KNL1: variants seen among roughly 807,000 people sequenced by gnomAD.
KNL1 encodes the protein outer kinetochore KNL1 complex subunit KNL1.
In KNL1, 66 loss-of-function variants were observed where a neutral mutation model predicts 201.3. The ratio of observed to expected loss-of-function variants is 0.33; its 90% CI spans 0.27 to 0.40. The LOEUF (loss-of-function observed/expected upper bound fraction) is 0.40. Among genes scored for constraint, KNL1 ranks in the 10% least tolerant of loss-of-function variants. The pLI, the probability that KNL1 is intolerant of heterozygous loss-of-function variation, is 1.00. For missense variants in KNL1, 2,815 were observed against 2,690.5 expected (o/e 1.05, Z -1.02); for synonymous variants, 895 against 899.2 (o/e 1.00, Z 0.08).
chr15:40,628,676 GA>G lies in KNL1; in HGVS notation c.5582del (p.Glu1861GlyfsTer8). The G allele has an allele frequency of 6.4e-7, 1 of 1,569,320 alleles. No homozygotes were observed. Among genetic ancestry groups the G allele is most frequent in the Non-Finnish European group, 8.7e-7 (1 of 1,150,210 alleles). On this transcript the variant is annotated frameshift_variant and splice_region_variant, in exon 12 of 26. Coordinates refer to ENST00000399668, the MANE Select transcript of KNL1 (RefSeq NM_144508.5). LOFTEE classifies it high-confidence loss of function. The part of the protein sequence containing the change: ...RDTICEESLR[E>X]KLQDGRITIR... ...TACTATTTGTGAAGAGAGCTTGAGG[GA>G]GGTATGTTAAAATTCTTTTTCTTTT...
At chr15:40,649,413 A>C (rs1388885312) in intron 17 of KNL1, among the ~76,000 whole-genome samples, 1 of 151,432 alleles carries the variant, frequency 6.6e-6, no homozygotes, top group African/African-American at 2.4e-5. Flanking sequence ...CTTGTGCCTC[A>C]GCCTCCCAAG....
intron 5 of KNL1, among the ~76,000 whole-genome samples, chr15:40,609,742 A>G (rs1892094336): frequency 1.3e-5 from 2 of 152,212 alleles, no homozygotes; most frequent in South Asian, 2.1e-4. Context: ...GTTGAATTAA[A>G]TGAATATTTT....
intron 14 of KNL1, among the ~76,000 whole-genome samples, chr15:40,644,523 C>T (rs1022322702): frequency 1.3e-5 from 2 of 152,024 alleles, no homozygotes; most frequent in East Asian, 3.9e-4. Flanking sequence ...AGACCATTTA[C>T]GGGTGTCGGG....
At chr15:40,647,936 A>C (rs1893444072) in intron 17 of KNL1, among the ~76,000 whole-genome samples, 1 of 152,128 alleles carries the variant, frequency 6.6e-6, no homozygotes, top group African/African-American at 2.4e-5. Context: ...AGATTTTATC[A>C]TCTGTTCTTT....
intron 8 of KNL1, 72 bp from the exon 9 acceptor site, chr15:40,618,887 A>G (rs1892427303): frequency 4.4e-6 from 4 of 906,246 alleles, no homozygotes; most frequent in Non-Finnish European, 5.4e-6. Context: ...TAACTGATGA[A>G]GAACCTAAGA....
At chr15:40,597,338 T>C (rs1468377820) in intron 1 of KNL1, among the ~76,000 whole-genome samples, 1 of 152,146 alleles carries the variant, frequency 6.6e-6, no homozygotes, top group Non-Finnish European at 1.5e-5. Flanking sequence ...CACTGCAATC[T>C]CTACCTCCTG....
At chr15:40,595,899 G>A (rs991163052) in intron 1 of KNL1, among the ~76,000 whole-genome samples, 1 of 152,126 alleles carries the variant, frequency 6.6e-6, no homozygotes, top group Admixed American at 6.5e-5. Context: ...GATATCGGTC[G>A]TATAAATGTA....
chr15:40,605,822 AC>A (rs1372217035), intron 3 of KNL1, among the ~76,000 whole-genome samples: 3 of 152,214 alleles, frequency 2.0e-5, no homozygotes, highest in East Asian at 3.8e-4. Context: ...CTTTAGGCAC[AC>A]TTACTGACCA....
chr15:40,645,877 T>G (rs531250951), intron 16 of KNL1, 105 bp downstream of exon 16: 1 of 598,284 alleles, frequency 1.7e-6, no homozygotes, highest in African/African-American at 1.9e-5. Flanking sequence ...TGAATAAGAC[T>G]TGGGCAAAAA....
At chr15:40,602,043 T>G (rs1891814928) in intron 1 of KNL1, among the ~76,000 whole-genome samples, 1 of 150,094 alleles carries the variant, frequency 6.7e-6, no homozygotes, top group Non-Finnish European at 1.5e-5. Context: ...TTTTGTTTTT[T>G]TTTTGAGACG....
Position 40,629,304 on chromosome 15 carries a change from A to G in KNL1, c.5615A>G (p.Glu1872Gly), listed in dbSNP as rs1892836540. The G allele has an allele frequency of 1.2e-6, 2 of 1,600,814 alleles. No individual in the cohort carries two copies. The highest frequency in any genetic ancestry group is 8.5e-7 in the Non-Finnish European group (1 of 1,177,010). Residue 1872 changes from glutamate to glycine, a missense_variant, in exon 13 of 26, where the codon GAG becomes GGG. Physicochemically the swap from Glu to Gly is moderately conservative, Grantham distance 98. Around this residue, in one of 3 missense-constraint regions of KNL1, gnomAD observed 2,464 missense variants for 2,291.7 expected, o/e 1.08. Coordinates refer to ENST00000399668, the MANE Select transcript of KNL1 (RefSeq NM_144508.5). ...KLQDGRITIR[E>G]FFILLQVHIL... ...CAAGATGGGAGAATAACAATAAGGG[A>G]GTTCTTTATACTTCTCCAGGTCCAC...
rs368699168 is a variant in KNL1 at position 40,645,136 on chromosome 15, C to G, written c.5889+49C>G. On this transcript the variant is annotated intron_variant, in intron 15 of 25. Transcript: ENST00000399668. ...TGAGAATCAGTGAAGACATTCTGAA[C>G]GATGTTTATTGTGAAATGAGTAACT... 4.8e-6 allele frequency: 6 copies of G among 1,253,294 alleles called. 1 individual carries two copies. The South Asian group carries it at 7.3e-5, about 15-fold the overall frequency. 77.6% of individuals were successfully genotyped at this position (1,253,294 alleles called of 1,614,324 possible). A position where few individuals can be genotyped will look rare whatever the true frequency, so the allele number is the denominator to read the frequency against.
At chr15:40,599,752 T>C (rs958639956) in intron 1 of KNL1, among the ~76,000 whole-genome samples, 4 of 150,354 alleles carry the variant, frequency 2.7e-5, no homozygotes, top group Non-Finnish European at 5.9e-5. Flanking sequence ...GTAAGGTAAA[T>C]TGCAAGGTTG....
At position 40,623,957 on chromosome 15, in the gene KNL1, A is replaced by G; in HGVS notation, c.3693A>G (p.Gln1231=). 1.2e-6 allele frequency: 2 copies of G among 1,613,680 alleles called. No individual in the cohort carries two copies. The highest frequency in any genetic ancestry group is 1.7e-6 in the Non-Finnish European group (2 of 1,179,888). Residue 1231 remains glutamine, a synonymous_variant, in exon 10 of 26, where the codon CAA becomes CAG. Transcript: ENST00000399668. ...TAGTTCTTCACACCGAGCAAAAGCA[A>G]CAACTCTTTGCTGCTACTAATAGAA... ...NKIVLHTEQK[Q]QLFAATNRTT...
chr15:40,620,636 A>G lies in KNL1; in HGVS notation c.376-4A>G. ...TGATCTCTTATATTTTGCTTTCATTATAGTTTTCAATTATAGAACATACCC... is the reference window on the plus strand; with the variant it reads ...TGATCTCTTATATTTTGCTTTCATTGTAGTTTTCAATTATAGAACATACCC... On this transcript the variant is annotated splice_polypyrimidine_tract_variant and splice_region_variant and intron_variant, in intron 9 of 25. Coordinates refer to ENST00000399668, the MANE Select transcript of KNL1 (RefSeq NM_144508.5). The G allele has an allele frequency of 1.3e-6, 2 of 1,541,448 alleles. No individual in the cohort carries two copies. The highest frequency in any genetic ancestry group is 8.7e-7 in the Non-Finnish European group (1 of 1,146,996).
chr15:40,653,530 A>T (rs1206968538), intron 21 of KNL1, among the ~76,000 whole-genome samples: 1 of 152,118 alleles, frequency 6.6e-6, no homozygotes, highest in Non-Finnish European at 1.5e-5. Context: ...ACTGTTTTTC[A>T]TCTGTTCTGT....
At chr15:40,659,924 G>GTGTGTGTGT (rs1893858629) in intron 25 of KNL1, among the ~76,000 whole-genome samples, 1 of 150,308 alleles carries the variant, frequency 6.7e-6, no homozygotes, top group Non-Finnish European at 1.5e-5. Flanking sequence ...GTGTGTGTGT[G>GTGTGTGTGT]TGTTTGAGAT....
intron 13 of KNL1, among the ~76,000 whole-genome samples, chr15:40,629,733 C>G (rs1172571931): frequency 6.6e-6 from 1 of 151,796 alleles, no homozygotes; most frequent in Non-Finnish European, 1.5e-5. Flanking sequence ...GAACTCCTGA[C>G]CTCGTGACCC....
At chr15:40,653,233 G>T (rs1317369443) in intron 21 of KNL1, among the ~76,000 whole-genome samples, 1 of 151,670 alleles carries the variant, frequency 6.6e-6, no homozygotes, top group Non-Finnish European at 1.5e-5. Flanking sequence ...CTTCCACCCA[G>T]GCTGAAGTGC....
Sources: allele counts gnomAD v4.1 joint callset (sites outside exome capture counted in the v4.1 genomes callset), GRCh38; gene constraint gnomAD v4.1.1; regional missense constraint gnomAD v4.1.1; transcripts MANE v1.5; gene names NCBI Gene and HGNC (gene_info 2026-07-23, HGNC 2026-07-21).